Variants in PEX5 observed in about 807,000 individuals in gnomAD.
The protein encoded by PEX5 is PTS1 receptor.
PEX5 carries 52 observed loss-of-function variants against 82.9 expected under a neutral mutation model. The ratio of observed to expected loss-of-function variants is 0.63; its 90% CI spans 0.50 to 0.79. The LOEUF (loss-of-function observed/expected upper bound fraction) is 0.79. Among genes scored for constraint, PEX5 ranks in the 30% least tolerant of loss-of-function variants. The pLI is 0.00. For synonymous variants in PEX5, 300 were observed against 318.8 expected, an observed-to-expected ratio of 0.94 and a Z score of 0.63; for missense variants, 719 against 815.2, an observed-to-expected ratio of 0.88 and a Z score of 1.44.
At chr12:7,215,288 C>T (rs1459374767), downstream of PEX5, among the ~76,000 whole-genome samples, 1 of 152,178 alleles carries the variant, frequency 6.6e-6, no homozygotes, top group Non-Finnish European at 1.5e-5. Flanking sequence ...GGGACTTATA[C>T]TCTGTTGGTG....
intron 11 of PEX5, 49 bp from the exon 12 acceptor site, chr12:7,207,961 G>T (rs746087090): frequency 2.6e-6 from 4 of 1,550,252 alleles, no homozygotes; most frequent in Admixed American, 3.3e-5. Flanking sequence ...GGGGAAGGGC[G>T]AATGGAGAGG....
chr12:7,203,319 T>C (rs1264658596), intron 9 of PEX5, 113 bp from the exon 10 acceptor site: 17 of 1,247,796 alleles, frequency 1.4e-5, no homozygotes, highest in Admixed American at 2.6e-5. Flanking sequence ...AGATGATTCT[T>C]AAACATATTG....
chr12:7,192,888 A>G (rs759113791), intron 5 of PEX5, among the ~76,000 whole-genome samples: 83 of 152,374 alleles, frequency 5.4e-4, no homozygotes, highest in African/African-American at 1.9e-3. Context: ...TGTGTGAAGG[A>G]GGCCCATGTT....
downstream of PEX5, chr12:7,212,999 C>T (rs745809953): frequency 5.3e-5 from 8 of 152,170 alleles, no homozygotes; most frequent in South Asian, 1.7e-3. Flanking sequence ...CTATAAAATA[C>T]CTAGGAATCC....
chr12:7,212,469 A>G (rs1945641570), downstream of PEX5, among the ~76,000 whole-genome samples: 6 of 15,018 alleles, frequency 4.0e-4, no homozygotes, highest in South Asian at 0.014. Flanking sequence ...TGCCAGAAAA[A>G]AAAAAAAAAA....
intron 13 of PEX5, 42 bp from the exon 14 acceptor site, chr12:7,208,963 A>G (rs911831534): frequency 7.6e-5 from 118 of 1,548,358 alleles, no homozygotes; most frequent in Non-Finnish European, 1.0e-4. Flanking sequence ...GGGAATAGAG[A>G]CATTCATCTA....
In PEX5 at chr12:7,207,822, C is replaced by T. The variant is rs1163912133; in HGVS notation, c.1110+20C>T. ...ATGGAAGTGAGTGACTCCATAGTCTCATTTCTGGCTAGAGACTGCTTCCTC... is the reference window on the plus strand; with the variant it reads ...ATGGAAGTGAGTGACTCCATAGTCTTATTTCTGGCTAGAGACTGCTTCCTC... On this transcript the variant is annotated intron_variant, in intron 11 of 15. Coordinates refer to ENST00000675855, the MANE Select transcript of PEX5 (RefSeq NM_001351132.2). 1.9e-6 allele frequency: 3 copies of T among 1,613,438 alleles called. No homozygotes were observed. The Admixed American group carries it at 5.0e-5, about 27-fold the overall frequency.
chr12:7,201,158 T>C (rs79356579), intron 6 of PEX5, among the ~76,000 whole-genome samples: 10,444 of 59,422 alleles, frequency 0.18, 469 homozygotes, highest in South Asian at 0.44. Flanking sequence ...CGCACACACA[T>C]ATATACACAC....
chr12:7,200,551 G>A lies in PEX5; in HGVS notation c.552-1200G>A, dbSNP rs1369616929. Among the ~76,000 whole-genome samples, 35 of 151,810 alleles carry A rather than the reference G, an allele frequency of 2.3e-4. No homozygotes were observed. In the East Asian group the frequency reaches 6.5e-3, roughly 28 times the overall value. On this transcript the variant is annotated intron_variant, in intron 6 of 15. Transcript: ENST00000675855. ...GGCCAAGGCAGGCGGCTGGGAGGTG[G>A]AGGTTGTAGCGAGCCGAGATCACGC...
At chr12:7,197,885 T>A (rs1014435185) in intron 5 of PEX5, among the ~76,000 whole-genome samples, 1 of 152,196 alleles carries the variant, frequency 6.6e-6, no homozygotes, top group Admixed American at 6.5e-5. Flanking sequence ...CCTTGGGAAC[T>A]GTCCTTGTCA....
intron 6 of PEX5, among the ~76,000 whole-genome samples, chr12:7,199,515 T>C (rs962200719): frequency 6.6e-5 from 10 of 151,150 alleles, no homozygotes; most frequent in Admixed American, 2.6e-4. Context: ...GAGCACAGGG[T>C]TGGGGGTAAG....
chr12:7,201,162 T>C (rs61919595), intron 6 of PEX5, among the ~76,000 whole-genome samples: 7 of 48,184 alleles, frequency 1.5e-4, no homozygotes, highest in Admixed American at 7.9e-4. Context: ...CACACATATA[T>C]ACACACATAC....
rs1342546015 is a variant in PEX5, at chr12:7,203,428, A to G, written c.847-4A>G. 6.2e-7 allele frequency: 1 copy of G among 1,612,488 alleles called. No individual in the cohort carries two copies. The highest frequency in any genetic ancestry group is 1.1e-5 in the South Asian group (1 of 90,514). On this transcript the variant is annotated splice_polypyrimidine_tract_variant and splice_region_variant and intron_variant, in intron 9 of 15. Coordinates refer to ENST00000675855, the MANE Select transcript of PEX5 (RefSeq NM_001351132.2). The stretch of plus-strand genomic sequence containing the variant: ...TTTTTCTATCTGCTTTCCCTTCCTT[A>G]CAGTCTGATGTCGATTTCTGGGACA...
rs75145323 is a variant in PEX5 at position 7,210,685 on chromosome 12, G to C, written c.*462G>C. 370 of 278,376 alleles carry C rather than the reference G, an allele frequency of 1.3e-3. 1 individual carries two copies. In the East Asian group the frequency reaches 0.025, roughly 19 times the overall value. 17.2% of individuals were successfully genotyped at this position (278,376 alleles called of 1,614,324 possible). ...GCGCCTCTAATGTCTGTCTGGATGG[G>C]ATGTGTTAGGAGTTGGCCTGTTGGG... On this transcript the variant is annotated 3_prime_UTR_variant, in exon 16 of 16. Transcript: ENST00000675855.
At chr12:7,214,043 G>C (rs1945706383), downstream of PEX5, among the ~76,000 whole-genome samples, 1 of 152,216 alleles carries the variant, frequency 6.6e-6, no homozygotes, top group Non-Finnish European at 1.5e-5. Context: ...ACACCAGTTA[G>C]AATGGCAGTC....
At chr12:7,191,873 T>C (rs1565674077) in intron 5 of PEX5, among the ~76,000 whole-genome samples, 173 bp downstream of exon 5, 2 of 152,200 alleles carry the variant, frequency 1.3e-5, no homozygotes, top group African/African-American at 4.8e-5. Flanking sequence ...TAATGTATAT[T>C]AAAGAGAGGA....
At chr12:7,189,896 G>T in intron 1 of PEX5, 146 bp downstream of exon 1, 1 of 1,413,952 alleles carries the variant, frequency 7.1e-7, no homozygotes, top group Non-Finnish European at 9.2e-7. Flanking sequence ...GGACCGGGCC[G>T]AGCCGGGGGA....
intron 6 of PEX5, among the ~76,000 whole-genome samples, chr12:7,199,774 G>A (rs1943422255): frequency 6.6e-6 from 1 of 151,208 alleles, no homozygotes; most frequent in Non-Finnish European, 1.5e-5. Flanking sequence ...CTTCCCAGTA[G>A]GGGCGGCCGG....
chr12:7,198,330 G>A (rs1943129390), intron 5 of PEX5, among the ~76,000 whole-genome samples: 1 of 152,174 alleles, frequency 6.6e-6, no homozygotes, highest in Admixed American at 6.5e-5. Context: ...TGATCCGGGT[G>A]GTGGTTATGT....
Sources: gnomAD v4.1 joint callset for allele counts (sites outside exome capture counted in the v4.1 genomes callset) on GRCh38, gnomAD v4.1.1 for gene constraint, MANE v1.5 for transcripts, NCBI Gene and HGNC (gene_info 2026-07-23, HGNC 2026-07-21) for gene names.